Variants in ZNF780B observed in about 807,000 individuals in gnomAD.
ZNF780B encodes the protein zinc finger protein 780B, also known as zinc finger protein 779.
A neutral mutation model predicts 74.1 loss-of-function variants in ZNF780B; 52 were observed. The ratio of observed to expected loss-of-function variants is 0.70; its 90% CI spans 0.56 to 0.88. ZNF780B has a LOEUF of 0.88. Among genes scored for constraint, ZNF780B ranks in the 40% least tolerant of loss-of-function variants. The probability of loss-of-function intolerance (pLI) is 0.00; values close to 1 mark genes in which losing one functional copy is unlikely to be tolerated. For missense variants in ZNF780B, 953 were observed against 1,007.6 expected (o/e 0.95, Z 0.73); for synonymous variants, 315 against 324.3 (o/e 0.97, Z 0.31).
intron 4 of ZNF780B, among the ~76,000 whole-genome samples, chr19:40,038,086 C>T (rs1329861255): frequency 1.2e-4 from 19 of 152,004 alleles, no homozygotes. Flanking sequence ...CACAACATTC[C>T]CCGGAGTGTG....
Position 40,032,329 on chromosome 19 carries a change from T to C in ZNF780B, c.*2028A>G, listed in dbSNP as rs1972037594. The C allele has an allele frequency of 2.6e-6, 1 of 378,082 alleles. No homozygotes were observed. The highest frequency in any genetic ancestry group is 5.1e-6 in the Non-Finnish European group (1 of 195,550). The allele number at this position is 378,082 out of a possible 1,614,324, so 23.4% of individuals were successfully genotyped here. A position where few individuals can be genotyped will look rare whatever the true frequency, so the allele number is the denominator to read the frequency against. ...AGGGGATTCTGATACCCACCATAAT[T>C]TGAGAGCATACTTTCATGGGGTTTC... On this transcript the variant is annotated 3_prime_UTR_variant, in exon 5 of 5. Coordinates refer to ENST00000434248, the MANE Select transcript of ZNF780B (RefSeq NM_001005851.3).
rs139872267 is a variant in ZNF780B at position 40,051,069 on chromosome 19, C to A, written c.-45-692G>T. On this transcript the variant is annotated intron_variant, in intron 1 of 4. Coordinates refer to ENST00000434248, the MANE Select transcript of ZNF780B (RefSeq NM_001005851.3). ...AAATATTAAGCAAAAGACTAATAGA[C>A]ATCAATACAAAAATTTAGACAGGTA... 7.7e-3 allele frequency among the ~76,000 whole-genome samples: 1,179 copies of A among 152,248 alleles called. 13 individuals are homozygous for A. The highest frequency in any genetic ancestry group is 0.027 in the African/African-American group (1,123 of 41,536).
At chr19:40,052,317 GA>G (rs1461395536) in intron 1 of ZNF780B, among the ~76,000 whole-genome samples, 1 of 152,048 alleles carries the variant, frequency 6.6e-6, no homozygotes, top group East Asian at 1.9e-4. Flanking sequence ...CCCATGGTGT[GA>G]CAACCAAAAG....
rs201898017 is a variant in ZNF780B, at chr19:40,035,100, A to G, written c.1759T>C (p.Cys587Arg). The change falls in exon 5 of 5, where the codon TGT becomes CGT. Residue 587 changes from cysteine to arginine, a missense_variant. Physicochemically the swap from Cys to Arg is radical, Grantham distance 180 (BLOSUM62 -3). Coordinates refer to ENST00000434248, the MANE Select transcript of ZNF780B (RefSeq NM_001005851.3). ...SIHTGKKPFECKECGKAFRLH... is the reference protein window; with the variant it reads ...SIHTGKKPFERKECGKAFRLH... ...CGAAAGGCTTTCCCACATTCCTTACATTCAAAGGGTTTCTTTCCGGTATGA... is the reference window on the plus strand; with the variant it reads ...CGAAAGGCTTTCCCACATTCCTTACGTTCAAAGGGTTTCTTTCCGGTATGA... 97 of 1,613,692 alleles carry G rather than the reference A, an allele frequency of 6.0e-5. No individual in the cohort carries two copies. In the East Asian group the frequency reaches 1.4e-3, roughly 24 times the overall value.
At chr19:40,050,493 C>T (rs1010755020) in intron 1 of ZNF780B, 116 bp from the exon 2 acceptor site, 2 of 999,262 alleles carry the variant, frequency 2.0e-6, no homozygotes, top group Admixed American at 2.4e-5. Flanking sequence ...CACACGCACA[C>T]TTCCACCCTT....
At chr19:40,038,996 T>C (rs553682977) in intron 4 of ZNF780B, among the ~76,000 whole-genome samples, 1 of 152,390 alleles carries the variant, frequency 6.6e-6, no homozygotes, top group Non-Finnish European at 1.5e-5. Context: ...CATGCCTATG[T>C]CCTGAATGGT....
chr19:40,032,210 G>A lies in ZNF780B; in HGVS notation c.*2147C>T. On this transcript the variant is annotated 3_prime_UTR_variant, in exon 5 of 5. Transcript: ENST00000434248. Reference sequence around the variant, plus strand: ...GACCAGTGGCTCTCTAACTCTGGTTGGTATCACAGACACAAAACCTGGAGA... The same window carrying A: ...GACCAGTGGCTCTCTAACTCTGGTTAGTATCACAGACACAAAACCTGGAGA... 1 of 368,090 alleles carries A rather than the reference G, an allele frequency of 2.7e-6. No homozygotes were observed. The highest frequency in any genetic ancestry group is 3.8e-4 in the Middle Eastern group (1 of 2,664). The allele number at this position is 368,090 out of a possible 1,614,324, so 22.8% of individuals were successfully genotyped here.
At position 40,031,263 on chromosome 19, in the gene ZNF780B, C is replaced by T. The variant is rs1311344746; in HGVS notation, c.*3094G>A. ...TTGAGATGAAGTCTCACTTTGTCGCCCAGGCTGGAGTGCAGTGGCACGATC... is the reference window on the plus strand; with the variant it reads ...TTGAGATGAAGTCTCACTTTGTCGCTCAGGCTGGAGTGCAGTGGCACGATC... On this transcript the variant is annotated 3_prime_UTR_variant, in exon 5 of 5. Transcript: ENST00000434248. 1 of 152,146 alleles carries T rather than the reference C, an allele frequency of 6.6e-6. No homozygotes were observed. The highest frequency in any genetic ancestry group is 1.5e-5 in the Non-Finnish European group (1 of 68,036). 9.4% of individuals were successfully genotyped at this position (152,146 alleles called of 1,614,324 possible).
At chr19:40,052,877 G>A (rs1178515487) in intron 1 of ZNF780B, among the ~76,000 whole-genome samples, 3 of 152,072 alleles carry the variant, frequency 2.0e-5, no homozygotes, top group Non-Finnish European at 4.4e-5. Context: ...GAAAACTGGG[G>A]AGTCATACAC....
In ZNF780B at chr19:40,034,380, T is replaced by C. The variant is rs1303975866; in HGVS notation, c.2479A>G (p.Ile827Val). The change falls in exon 5 of 5, where the codon ATC becomes GTC. Residue 827 changes from isoleucine (I) to valine (V), a missense_variant. By Grantham distance (29) the Ile-to-Val change is conservative (BLOSUM62 3). Transcript: ENST00000434248. ...PSDISSNLLN[I>V]RKFILG is the part of the protein sequence containing the mutation. ...TTTCACCCAAGTATGAATTTTCTGATGTTCAGTAAGTTGCTACTGATGTCT... is the reference window on the plus strand; with the variant it reads ...TTTCACCCAAGTATGAATTTTCTGACGTTCAGTAAGTTGCTACTGATGTCT... 1.5e-5 allele frequency: 24 copies of C among 1,607,768 alleles called. No homozygotes were observed. Among genetic ancestry groups the C allele is most frequent in the Non-Finnish European group, 2.0e-5 (23 of 1,176,404 alleles).
chr19:40,039,628 A>T (rs1407179421), intron 4 of ZNF780B, among the ~76,000 whole-genome samples: 4 of 152,186 alleles, frequency 2.6e-5, no homozygotes, highest in Middle Eastern at 3.4e-3. Context: ...GGTCCTTCAC[A>T]TCCCTTGTAA....
rs1308084003 is a variant in ZNF780B, at chr19:40,030,777, G to A, written c.*3580C>T. ...TCTGACAACTCTTAATGATACTACC[G>A]GGATGTGCAATGACCCAGAAAGGAG... On this transcript the variant is annotated 3_prime_UTR_variant, in exon 5 of 5. Transcript: ENST00000434248. 3.9e-5 allele frequency: 6 copies of A among 152,076 alleles called. No individual in the cohort carries two copies. Among genetic ancestry groups the A allele is most frequent in the Non-Finnish European group, 5.9e-5 (4 of 68,028 alleles). The allele number at this position is 152,076 out of a possible 1,614,324, so 9.4% of individuals were successfully genotyped here.
chr19:40,036,549 T>C lies in ZNF780B; in HGVS notation c.310A>G (p.Ile104Val), dbSNP rs1972329854. The change falls in exon 5 of 5, where the codon ATA becomes GTA. Residue 104 changes from isoleucine to valine, a missense_variant. Ile to Val is a conservative substitution (Grantham distance 29). Coordinates refer to ENST00000434248, the MANE Select transcript of ZNF780B (RefSeq NM_001005851.3). ...CCAAGTGTTTTACTTATTTGCTTTA[T>C]AACATGTTTGGGTAAATTTATTTCA... ...IFEINLPKHV[I>V]KQISKTLGLE... 1 of 1,590,476 alleles carries C rather than the reference T, an allele frequency of 6.3e-7. No homozygotes were observed. The highest frequency in any genetic ancestry group is 1.4e-5 in the African/African-American group (1 of 73,892).
At chr19:40,039,286 A>C (rs1386616928) in intron 4 of ZNF780B, among the ~76,000 whole-genome samples, 1 of 151,978 alleles carries the variant, frequency 6.6e-6, no homozygotes, top group African/African-American at 2.4e-5. Context: ...TGTTTTGGTA[A>C]CAGTACCATG....
chr19:40,051,516 A>C (rs1176646485), intron 1 of ZNF780B, among the ~76,000 whole-genome samples: 1 of 152,208 alleles, frequency 6.6e-6, no homozygotes, highest in Admixed American at 6.5e-5. Flanking sequence ...AATTGTCTAC[A>C]AGTCTTCAAC....
intron 4 of ZNF780B, among the ~76,000 whole-genome samples, chr19:40,045,849 G>A (rs191627749): frequency 2.3e-4 from 35 of 152,222 alleles, no homozygotes; most frequent in Admixed American, 1.8e-3. Flanking sequence ...TTAGCCAGGC[G>A]TGGTGGCAGG....
intron 4 of ZNF780B, among the ~76,000 whole-genome samples, chr19:40,039,747 T>C (rs1972537632): frequency 6.6e-6 from 1 of 152,348 alleles, no homozygotes; most frequent in East Asian, 1.9e-4. Context: ...TTGTGATTTT[T>C]GTACATTGAT....
At chr19:40,049,770 T>C (rs1973123590) in intron 2 of ZNF780B, among the ~76,000 whole-genome samples, 1 of 152,198 alleles carries the variant, frequency 6.6e-6, no homozygotes, top group Non-Finnish European at 1.5e-5. Context: ...AGGACTGAGT[T>C]AAGCACAGAC....
At chr19:40,041,962 G>C (rs1172771536) in intron 4 of ZNF780B, among the ~76,000 whole-genome samples, 1 of 152,034 alleles carries the variant, frequency 6.6e-6, no homozygotes, top group East Asian at 1.9e-4. Flanking sequence ...ATGTTAGCTG[G>C]TTATTTTGCT....
Sources: gnomAD v4.1 joint callset for allele counts (sites outside exome capture counted in the v4.1 genomes callset) on GRCh38, gnomAD v4.1.1 for gene constraint, MANE v1.5 for transcripts, NCBI Gene and HGNC (gene_info 2026-07-23, HGNC 2026-07-21) for gene names.